The following SYNPR variants were observed in gnomAD, a reference collection of about 807,000 sequenced individuals.
The protein encoded by SYNPR is synaptoporin.
SYNPR carries 23 observed loss-of-function variants against 32.9 expected under a neutral mutation model. That is an observed-to-expected ratio of 0.70 (90% confidence interval 0.50 to 0.99). SYNPR has a LOEUF of 0.99. Among genes scored for constraint, SYNPR ranks in the 50% least tolerant of loss-of-function variants. The probability of loss-of-function intolerance (pLI) is 0.00; values close to 1 mark genes in which losing one functional copy is unlikely to be tolerated. For missense variants in SYNPR, 318 were observed against 349.3 expected, an observed-to-expected ratio of 0.91 and a Z score of 0.71; for synonymous variants, 146 against 135.9, an observed-to-expected ratio of 1.07 and a Z score of -0.52.
chr3:63,372,866 C>CT, intron 2 of SYNPR, among the ~76,000 whole-genome samples: 1 of 152,178 alleles, frequency 6.6e-6, no homozygotes, highest in East Asian at 1.9e-4. Flanking sequence ...AAGAGTACAG[C>CT]TGCATTCATG....
chr3:63,599,077 T>C (rs368814056), intron 4 of SYNPR, among the ~76,000 whole-genome samples: 1 of 152,220 alleles, frequency 6.6e-6, no homozygotes, highest in Non-Finnish European at 1.5e-5. Context: ...TAGATCATGC[T>C]AGTACAGTCA....
intron 2 of SYNPR, chr3:63,443,567 C>A (rs1195739285): frequency 7.4e-6 from 10 of 1,348,194 alleles, no homozygotes; most frequent in Non-Finnish European, 1.0e-5. Context: ...ACTTTTCTTT[C>A]CAAGTATCAG....
At chr3:63,445,256 T>C (rs1047535078) in intron 2 of SYNPR, among the ~76,000 whole-genome samples, 4 of 152,194 alleles carry the variant, frequency 2.6e-5, no homozygotes, top group Non-Finnish European at 5.9e-5. Flanking sequence ...GTGAAAGTTA[T>C]GCCTTTTCCT....
chr3:63,342,909 T>G (rs186258444), intron 2 of SYNPR, among the ~76,000 whole-genome samples: 1 of 152,232 alleles, frequency 6.6e-6, no homozygotes, highest in African/African-American at 2.4e-5. Flanking sequence ...TGAAAGTTAT[T>G]TCTAGTATTC....
In SYNPR at chr3:63,338,283, G is replaced by A. The variant is rs186536584; in HGVS notation, c.84+59541G>A. ...CAATGGCTAAGTAGTTCTGCTTCTC[G>A]TCTAGTCACTACCCCATGAGAAGGT... On this transcript the variant is annotated intron_variant, in intron 2 of 5. Coordinates refer to ENST00000478300, the MANE Select transcript of SYNPR (RefSeq NM_001130003.2). 5.3e-5 allele frequency among the ~76,000 whole-genome samples: 8 copies of A among 152,260 alleles called. No homozygotes were observed. In the East Asian group the frequency reaches 7.7e-4, roughly 15 times the overall value.
intron 2 of SYNPR, among the ~76,000 whole-genome samples, chr3:63,473,604 A>G (rs1301592529): frequency 6.6e-6 from 1 of 152,242 alleles, no homozygotes; most frequent in East Asian, 1.9e-4. Flanking sequence ...CTCGTGTTAA[A>G]AAATAGAATA....
the SYNPR span, among the ~76,000 whole-genome samples, chr3:63,202,149 G>A: frequency 5.3e-5 from 8 of 152,190 alleles, no homozygotes; most frequent in South Asian, 2.1e-4. Flanking sequence ...GTTTTGGCCC[G>A]TTCTCTTTGG....
chr3:63,387,129 C>T (rs375733237), intron 2 of SYNPR, among the ~76,000 whole-genome samples: 59 of 152,276 alleles, frequency 3.9e-4, no homozygotes, highest in African/African-American at 1.2e-3. Context: ...TGTTTATGCT[C>T]ACATAATGAT....
intron 3 of SYNPR, among the ~76,000 whole-genome samples, chr3:63,516,149 T>C (rs1208944106): frequency 1.3e-5 from 2 of 152,154 alleles, no homozygotes; most frequent in Admixed American, 1.3e-4. Context: ...ATCCAACCCA[T>C]TAGCACTGGC....
chr3:63,368,210 C>T (rs2087751052), intron 2 of SYNPR, among the ~76,000 whole-genome samples: 1 of 152,170 alleles, frequency 6.6e-6, no homozygotes, highest in Non-Finnish European at 1.5e-5. Context: ...ATGCACGTTT[C>T]ATTCACAGAT....
rs142384702 is a variant in SYNPR at position 63,326,403 on chromosome 3, C to T, written c.84+47661C>T. On this transcript the variant is annotated intron_variant, in intron 2 of 5. Coordinates refer to ENST00000478300, the MANE Select transcript of SYNPR (RefSeq NM_001130003.2). ...AAGGGATTGTGTGTGAATCAAAATACCTTACAATAAGTCTACTTTATTCTT... is the reference window on the plus strand; with the variant it reads ...AAGGGATTGTGTGTGAATCAAAATATCTTACAATAAGTCTACTTTATTCTT... Among the ~76,000 whole-genome samples, 66 of 152,132 alleles carry T rather than the reference C, an allele frequency of 4.3e-4. 1 individual carries two copies. The East Asian group carries it at 0.013, about 30-fold the overall frequency.
intron 2 of SYNPR, among the ~76,000 whole-genome samples, chr3:63,300,347 A>ATCTG (rs1560184237): frequency 6.6e-6 from 1 of 151,912 alleles, no homozygotes; most frequent in East Asian, 1.9e-4. Context: ...CTATCTATCT[A>ATCTG]TCTATCTACC....
chr3:63,531,619 GC>G (rs1702113672), intron 3 of SYNPR, among the ~76,000 whole-genome samples: 1 of 152,108 alleles, frequency 6.6e-6, no homozygotes, highest in African/African-American at 2.4e-5. Flanking sequence ...TTCAACAAAA[GC>G]TTTTTGGGAG....
At chr3:63,588,129 A>G (rs1000289711) in intron 4 of SYNPR, among the ~76,000 whole-genome samples, 1 of 152,144 alleles carries the variant, frequency 6.6e-6, no homozygotes, top group East Asian at 1.9e-4. Context: ...TTTTTAAAAA[A>G]ATCAGTTTGT....
rs186779699 is a variant in SYNPR, at chr3:63,450,863, T to A, written c.85-29969T>A. On this transcript the variant is annotated intron_variant, in intron 2 of 5. Coordinates refer to ENST00000478300, the MANE Select transcript of SYNPR (RefSeq NM_001130003.2). ...TCTTTTGATGAGCTGTTAAAAGGTA[T>A]CTGTAATTATCGAGACCCTTGGCAC... Among the ~76,000 whole-genome samples the A allele has an allele frequency of 4.3e-4, 65 of 152,286 alleles. No individual in the cohort carries two copies. In the East Asian group the frequency reaches 0.01, roughly 24 times the overall value.
At chr3:63,471,423 T>C (rs1174689882) in intron 2 of SYNPR, among the ~76,000 whole-genome samples, 1 of 152,190 alleles carries the variant, frequency 6.6e-6, no homozygotes, top group Non-Finnish European at 1.5e-5. Flanking sequence ...GGTCAAAGTA[T>C]TATACACCCA....
intron 2 of SYNPR, among the ~76,000 whole-genome samples, chr3:63,478,507 G>A (rs1700978214): frequency 1.3e-5 from 2 of 152,168 alleles, no homozygotes; most frequent in Admixed American, 6.5e-5. Flanking sequence ...GACCATGTAT[G>A]TTACATGCTG....
At chr3:63,476,343 G>A (rs973239512) in intron 2 of SYNPR, among the ~76,000 whole-genome samples, 5 of 138,132 alleles carry the variant, frequency 3.6e-5, no homozygotes, top group African/African-American at 1.4e-4. Flanking sequence ...GGGAAGGAAG[G>A]AAGGAGGGAA....
chr3:63,380,933 C>T (rs2087960172), intron 2 of SYNPR, among the ~76,000 whole-genome samples: 1 of 152,170 alleles, frequency 6.6e-6, no homozygotes, highest in East Asian at 1.9e-4. Context: ...ATGACAAACC[C>T]ACAGCCAATA....
Sources: allele counts gnomAD v4.1 joint callset (sites outside exome capture counted in the v4.1 genomes callset), GRCh38; gene constraint gnomAD v4.1.1; transcripts MANE v1.5; gene names NCBI Gene and HGNC (gene_info 2026-07-23, HGNC 2026-07-21).